The following CARS1 variants were observed in gnomAD, a reference collection of about 807,000 sequenced individuals.
CARS1 encodes the protein cysteine--tRNA ligase, cytoplasmic.
Under a neutral mutation model 106.2 loss-of-function variants are expected in CARS1, and 48 were observed. The observed-to-expected ratio is 0.45, with a 90% CI of 0.36 to 0.57. CARS1 has a LOEUF of 0.57. Among genes scored for constraint, CARS1 ranks in the 20% least tolerant of loss-of-function variants. CARS1 has a pLI of 0.00. For synonymous variants in CARS1, 409 were observed against 403.4 expected (o/e 1.01, Z -0.17); for missense variants, 968 against 1,057.2 (o/e 0.92, Z 1.17).
At position 3,002,606 on chromosome 11, in the gene CARS1, G is replaced by A. The variant is rs1366822332; in HGVS notation, c.2218-6C>T. On this transcript the variant is annotated splice_region_variant and splice_polypyrimidine_tract_variant and intron_variant, in intron 20 of 22. Coordinates refer to ENST00000380525, the MANE Select transcript of CARS1 (RefSeq NM_001014437.3). The stretch of plus-strand genomic sequence containing the variant: ...TTCCTCTTCTCCTCTTCAACCTGGA[G>A]GGTCAATACAGAGCCAGATGAGACA... The A allele has an allele frequency of 2.5e-6, 4 of 1,613,958 alleles. No individual in the cohort carries two copies. The highest frequency in any genetic ancestry group is 3.4e-6 in the Non-Finnish European group (4 of 1,180,004).
In CARS1 at chr11:3,020,429, C is replaced by T. The variant is rs1306497709; in HGVS notation, c.1154-97G>A. On this transcript the variant is annotated intron_variant, in intron 10 of 22. Coordinates refer to ENST00000380525, the MANE Select transcript of CARS1 (RefSeq NM_001014437.3). This position sits in a 1 kb window ranked among gnomAD's most constrained non-coding sequence, Gnocchi z 4.6. Reference sequence around the variant, plus strand: ...CATCCACGGTGCCTAATGGGCAGTCCTTCTGACTAACTTCTGTTTATTAAC... The same window carrying T: ...CATCCACGGTGCCTAATGGGCAGTCTTTCTGACTAACTTCTGTTTATTAAC... 5.6e-6 allele frequency: 4 copies of T among 710,704 alleles called. No homozygotes were observed. The highest frequency in any genetic ancestry group is 2.3e-4 in the Middle Eastern group (1 of 4,264). 44.0% of individuals were successfully genotyped at this position (710,704 alleles called of 1,614,324 possible).
intron 10 of CARS1, 35 bp downstream of exon 10, chr11:3,026,641 G>T: frequency 6.2e-7 from 1 of 1,609,658 alleles, no homozygotes; most frequent in South Asian, 1.1e-5. Flanking sequence ...GGCCAGGAGG[G>T]AGAGCCCACA....
At chr11:3,049,461 A>G (rs1354606293) in intron 1 of CARS1, among the ~76,000 whole-genome samples, 1 of 152,222 alleles carries the variant, frequency 6.6e-6, no homozygotes. Context: ...CCACGTCCCT[A>G]AAGTGGGGGC....
rs937292176 is a variant in CARS1, at chr11:3,046,995, C to T, written c.274+758G>A. 3.9e-5 allele frequency among the ~76,000 whole-genome samples: 6 copies of T among 152,140 alleles called. No individual in the cohort carries two copies. The South Asian group carries it at 1.2e-3, about 32-fold the overall frequency. ...TTCTGATTTTTAAAAAGTTCAATGCCGGCCGGGCGCGGTGGTTCACACTTG... is the reference window on the plus strand; with the variant it reads ...TTCTGATTTTTAAAAAGTTCAATGCTGGCCGGGCGCGGTGGTTCACACTTG... On this transcript the variant is annotated intron_variant, in intron 2 of 22. Transcript: ENST00000380525. The surrounding 1 kb of genome is among the most constrained non-coding windows in gnomAD (Gnocchi z 5.8).
rs549436965 is a variant in CARS1 at position 3,003,255 on chromosome 11, G to C, written c.2218-655C>G. ...ACGAACAGACATGCCCTCCACTGAC[G>C]GAAAAGGAGCAAGTTTGGGGAGTTG... On this transcript the variant is annotated intron_variant, in intron 20 of 22. Coordinates refer to ENST00000380525, the MANE Select transcript of CARS1 (RefSeq NM_001014437.3). This position sits in a 1 kb window ranked among gnomAD's most constrained non-coding sequence, Gnocchi z 4.8. Among the ~76,000 whole-genome samples the C allele has an allele frequency of 6.6e-6, 1 of 152,226 alleles. No homozygotes were observed. The highest frequency in any genetic ancestry group is 2.4e-5 in the African/African-American group (1 of 41,454).
chr11:3,010,621 A>G (rs564457473), intron 18 of CARS1, among the ~76,000 whole-genome samples: 36 of 152,120 alleles, frequency 2.4e-4, no homozygotes, highest in South Asian at 1.4e-3. Context: ...GTGGCAGCCC[A>G]GCAGCCCAGC....
Position 3,024,189 on chromosome 11 carries a change from C to G in CARS1, c.1153+2487G>C, listed in dbSNP as rs184137211. On this transcript the variant is annotated intron_variant, in intron 10 of 22. Transcript: ENST00000380525. The stretch of plus-strand genomic sequence containing the variant: ...TACAGGCGTGAGCCACTGCACCCGG[C>G]ACCTCACTTATTTTCCATCTTTGTT... 1.1e-3 allele frequency among the ~76,000 whole-genome samples: 161 copies of G among 152,340 alleles called. 1 individual carries two copies. The highest frequency in any genetic ancestry group is 3.6e-3 in the African/African-American group (149 of 41,572).
chr11:3,054,820 G>A, intron 1 of CARS1: 1 of 697,996 alleles, frequency 1.4e-6, no homozygotes, highest in South Asian at 1.5e-5. Context: ...AATGCTGGCT[G>A]TGTTATTATG....
rs561331661 is a variant in CARS1, at chr11:3,042,145, G to A, written c.366+20C>T. ...CCTCCCCATTGTGTGCGTGTGCCAC[G>A]GCATCTGTGTTCTCCTTACCTTGTT... is the stretch of plus-strand genomic sequence containing the variant. On this transcript the variant is annotated intron_variant, in intron 3 of 22. Transcript: ENST00000380525. 15 of 1,592,426 alleles carry A rather than the reference G, an allele frequency of 9.4e-6. No homozygotes were observed. The highest frequency in any genetic ancestry group is 6.7e-5 in the East Asian group (3 of 44,708).
rs1851495559 is a variant in CARS1 at position 3,020,722 on chromosome 11, G to C, written c.1154-390C>G. Among the ~76,000 whole-genome samples the C allele has an allele frequency of 6.6e-6, 1 of 152,208 alleles. No individual in the cohort carries two copies. The highest frequency in any genetic ancestry group is 2.4e-5 in the African/African-American group (1 of 41,462). On this transcript the variant is annotated intron_variant, in intron 10 of 22. Transcript: ENST00000380525. This position sits in a 1 kb window ranked among gnomAD's most constrained non-coding sequence, Gnocchi z 4.6. Reference sequence around the variant, plus strand: ...GGTGCAGCCACTGGGGCATGGCTCAGGGATCCTGCCTGGTTCATGCGGGTG... The same window carrying C: ...GGTGCAGCCACTGGGGCATGGCTCACGGATCCTGCCTGGTTCATGCGGGTG...
intron 14 of CARS1, 86 bp from the exon 15 acceptor site, chr11:3,018,040 T>A: frequency 1.2e-6 from 1 of 841,448 alleles, no homozygotes. Context: ...GCTGTGATTT[T>A]ATTTTTGGTA....
intron 17 of CARS1, among the ~76,000 whole-genome samples, chr11:3,013,840 T>A (rs12421922): frequency 6.6e-6 from 1 of 151,704 alleles, no homozygotes; most frequent in South Asian, 2.1e-4. Context: ...GAAAGAAGAG[T>A]TTTTGTTCGC....
Position 3,048,339 on chromosome 11 carries a change from T to C in CARS1, c.26-338A>G, listed in dbSNP as rs1214740401. The C allele has an allele frequency of 9.3e-6, 2 of 213,956 alleles. No homozygotes were observed. The highest frequency in any genetic ancestry group is 1.1e-4 in the East Asian group (1 of 9,412). 13.3% of individuals were successfully genotyped at this position (213,956 alleles called of 1,614,324 possible). A position where few individuals can be genotyped will look rare whatever the true frequency, so the allele number is the denominator to read the frequency against. On this transcript the variant is annotated intron_variant, in intron 1 of 22. Coordinates refer to ENST00000380525, the MANE Select transcript of CARS1 (RefSeq NM_001014437.3). This position sits in a 1 kb window ranked among gnomAD's most constrained non-coding sequence, Gnocchi z 5.1. ...CATATAAATTACTTAGTTTTTACAT[T>C]TTTAATTTATGTTTTCTATCAGGGA...
chr11:3,042,287 CA>C (rs1565097584), intron 2 of CARS1, 31 bp from the exon 3 acceptor site: 9 of 1,564,622 alleles, frequency 5.8e-6, no homozygotes, highest in Non-Finnish European at 7.9e-6. Context: ...GATCAGGGTC[CA>C]GGGGCAGCAC....
At chr11:3,005,119 A>G (rs1849734303) in intron 20 of CARS1, among the ~76,000 whole-genome samples, 1 of 151,666 alleles carries the variant, frequency 6.6e-6, no homozygotes, top group East Asian at 1.9e-4. Flanking sequence ...AAAAAAAAAA[A>G]AAAAAAAAAA....
At chr11:3,026,847 T>G in intron 9 of CARS1, 50 bp from the exon 10 acceptor site, 1 of 1,577,522 alleles carries the variant, frequency 6.3e-7, no homozygotes, top group Non-Finnish European at 8.6e-7. Context: ...GACCCGAAAG[T>G]GTGTCAGCAG....
At chr11:3,012,101 GC>G (rs1850529004) in intron 18 of CARS1, 93 bp downstream of exon 18, 1 of 1,151,440 alleles carries the variant, frequency 8.7e-7, no homozygotes, top group African/African-American at 1.5e-5. Flanking sequence ...GGATGATCCG[GC>G]CTGAACGCCA....
At chr11:3,007,047 G>A (rs986399470) in intron 18 of CARS1, 88 bp from the exon 19 acceptor site, 1 of 1,070,182 alleles carries the variant, frequency 9.3e-7, no homozygotes. Context: ...GGAAGGAGGG[G>A]CCGTGGCCCA....
At position 3,028,416 on chromosome 11, in the gene CARS1, GA is replaced by G; in HGVS notation, c.1031+579del. On this transcript the variant is annotated intron_variant, in intron 9 of 22. Transcript: ENST00000380525. This position sits in a 1 kb window ranked among gnomAD's most constrained non-coding sequence, Gnocchi z 4.4. ...AATCTCTCATCTCCACACATGGGGA[GA>G]AAAACCCACCGACCCTGTGGGGCTG... 3 of 299,664 alleles carry G rather than the reference GA, an allele frequency of 1.0e-5. No homozygotes were observed. The highest frequency in any genetic ancestry group is 1.6e-4 in the East Asian group (2 of 12,232). 18.6% of individuals were successfully genotyped at this position (299,664 alleles called of 1,614,324 possible).
Sources: allele counts gnomAD v4.1 joint callset (sites outside exome capture counted in the v4.1 genomes callset), GRCh38; gene constraint gnomAD v4.1.1; non-coding constraint Gnocchi (gnomAD v3.1); transcripts MANE v1.5; gene names NCBI Gene and HGNC (gene_info 2026-07-23, HGNC 2026-07-21).